Variants in GNAI2 observed in about 807,000 individuals in gnomAD.
GNAI2 encodes the protein G protein subunit alpha i2.
Under a neutral mutation model 36.8 loss-of-function variants are expected in GNAI2, and 4 were observed. The ratio of observed to expected loss-of-function variants is 0.11; its 90% CI spans 0.05 to 0.25. The LOEUF (loss-of-function observed/expected upper bound fraction) is 0.25, where lower values mean the gene tolerates loss of function less well. Ranked by LOEUF, GNAI2 falls within the 10% of genes least tolerant of loss-of-function variation. The pLI, the probability that GNAI2 is intolerant of heterozygous loss-of-function variation, is 1.00. For synonymous variants in GNAI2, 194 were observed against 194.1 expected (o/e 1.00, Z 0.01); for missense variants, 230 against 481.3 (o/e 0.48, Z 4.89).
chr3:50,247,197 A>G, intron 1 of GNAI2: 1 of 654,958 alleles, frequency 1.5e-6, no homozygotes, highest in East Asian at 2.7e-5. Context: ...ATCTCTCAGA[A>G]GGAGACAGCG....
At chr3:50,257,432 T>G in intron 7 of GNAI2, 68 bp from the exon 8 acceptor site, 1 of 1,079,664 alleles carries the variant, frequency 9.3e-7, no homozygotes, top group Non-Finnish European at 1.3e-6. Flanking sequence ...CACAGACCCT[T>G]GCTGCACACG....
Position 50,252,220 on chromosome 3 carries a change from T to G in GNAI2, c.161+78T>G. The G allele has an allele frequency of 6.7e-7, 1 of 1,485,112 alleles. No individual in the cohort carries two copies. The highest frequency in any genetic ancestry group is 1.8e-4 in the Middle Eastern group (1 of 5,652). The allele number at this position is 1,485,112 out of a possible 1,614,324, so 92.0% of individuals were successfully genotyped here. ...CCTCTGGGCCTGCACTGCCCCCGACTACAGGCCCAGCCAGTCTTAGCCAGG... is the reference window on the plus strand; with the variant it reads ...CCTCTGGGCCTGCACTGCCCCCGACGACAGGCCCAGCCAGTCTTAGCCAGG... On this transcript the variant is annotated intron_variant, in intron 2 of 8. Transcript: ENST00000313601. The surrounding 1 kb of genome is among the most constrained non-coding windows in gnomAD (Gnocchi z 4.1).
chr3:50,240,574 GCAGCCA>G (rs1700277275), intron 1 of GNAI2, among the ~76,000 whole-genome samples: 1 of 152,132 alleles, frequency 6.6e-6, no homozygotes, highest in Non-Finnish European at 1.5e-5. Context: ...GTGCCTCCCT[GCAGCCA>G]CAGGTTATGG....
At chr3:50,250,068 G>A (rs1700518251) in intron 1 of GNAI2, among the ~76,000 whole-genome samples, 1 of 152,164 alleles carries the variant, frequency 6.6e-6, no homozygotes, top group South Asian at 2.1e-4. Context: ...GCTCCCTGCA[G>A]AGGGGACTCT....
Position 50,252,202 on chromosome 3 carries a change from G to C in GNAI2, c.161+60G>C. The C allele has an allele frequency of 6.5e-7, 1 of 1,527,586 alleles. No homozygotes were observed. 94.6% of individuals were successfully genotyped at this position (1,527,586 alleles called of 1,614,324 possible). ...CCAGCTTCCCCTCTTCACCCTCTGG[G>C]CCTGCACTGCCCCCGACTACAGGCC... On this transcript the variant is annotated intron_variant, in intron 2 of 8. Transcript: ENST00000313601. This position sits in a 1 kb window ranked among gnomAD's most constrained non-coding sequence, Gnocchi z 4.1.
intron 1 of GNAI2, among the ~76,000 whole-genome samples, chr3:50,243,015 G>C (rs1700329309): frequency 6.6e-6 from 1 of 152,240 alleles, no homozygotes; most frequent in African/African-American, 2.4e-5. Context: ...GGAAGCAGCT[G>C]GGGGAGGAGG....
chr3:50,257,804 G>C, intron 8 of GNAI2, 90 bp downstream of exon 8: 8 of 295,074 alleles, frequency 2.7e-5, no homozygotes, highest in East Asian at 9.3e-5. Context: ...GTAGGGGGGT[G>C]AACCTGGAGG....
rs782720927 is a variant in GNAI2 at position 50,236,519 on chromosome 3, C to G, written c.118+66C>G. 3.9e-6 allele frequency: 6 copies of G among 1,537,622 alleles called. No homozygotes were observed. The highest frequency in any genetic ancestry group is 5.2e-6 in the Non-Finnish European group (6 of 1,149,126). On this transcript the variant is annotated intron_variant, in intron 1 of 8. Transcript: ENST00000313601. The surrounding 1 kb of genome is among the most constrained non-coding windows in gnomAD (Gnocchi z 4.0). ...CGAATCCCCAGACAAGGACTTTGAC[C>G]TCCCAGACTAGGGCTTCAAACTCCC... is the stretch of plus-strand genomic sequence containing the variant.
At chr3:50,251,810 C>T (rs781849643) in intron 1 of GNAI2, 43 of 1,286,732 alleles carry the variant, frequency 3.3e-5, no homozygotes, top group Non-Finnish European at 4.3e-5. Flanking sequence ...CCAGCCAAGA[C>T]CCCCCAGGAC....
chr3:50,227,173 G>A, upstream of GNAI2: 3 of 1,451,034 alleles, frequency 2.1e-6, no homozygotes, highest in Non-Finnish European at 1.8e-6. The surrounding 1 kb of genome is among the most constrained non-coding windows in gnomAD (Gnocchi z 5.9). Flanking sequence ...AAAGGCGGGT[G>A]TCACTGGGGA....
chr3:50,251,828 A>G lies in GNAI2; in HGVS notation c.119-272A>G, dbSNP rs587626229. Reference sequence around the variant, plus strand: ...GCCAAGACCCCCCAGGACAGTGGGGAGCCATGGTGGGCAGCAGAGCTTGTG... The same window carrying G: ...GCCAAGACCCCCCAGGACAGTGGGGGGCCATGGTGGGCAGCAGAGCTTGTG... On this transcript the variant is annotated intron_variant, in intron 1 of 8. Coordinates refer to ENST00000313601, the MANE Select transcript of GNAI2 (RefSeq NM_002070.4). 7.4e-5 allele frequency: 94 copies of G among 1,267,548 alleles called. 2 individuals carry two copies. In the South Asian group the frequency reaches 9.7e-4, roughly 13 times the overall value. The allele number at this position is 1,267,548 out of a possible 1,614,324, so 78.5% of individuals were successfully genotyped here.
At chr3:50,235,036 G>T (rs1056529297), upstream of GNAI2, among the ~76,000 whole-genome samples, 6 of 152,194 alleles carry the variant, frequency 3.9e-5, no homozygotes, top group Admixed American at 1.3e-4. Context: ...CAGGTCATAA[G>T]ATCATGGCCA....
chr3:50,236,696 C>T lies in GNAI2; in HGVS notation c.118+243C>T, dbSNP rs1415769471. Among the ~76,000 whole-genome samples, 2 of 152,074 alleles carry T rather than the reference C, an allele frequency of 1.3e-5. No individual in the cohort carries two copies. Among genetic ancestry groups the T allele is most frequent in the Non-Finnish European group, 2.9e-5 (2 of 68,014 alleles). On this transcript the variant is annotated intron_variant, in intron 1 of 8. Coordinates refer to ENST00000313601, the MANE Select transcript of GNAI2 (RefSeq NM_002070.4). This position sits in a 1 kb window ranked among gnomAD's most constrained non-coding sequence, Gnocchi z 4.0. ...CCAAATCCAGTCAACAGTGCCCCAA[C>T]ACCCGCGGTCCAGTGCCCTGCTTGG...
upstream of GNAI2, chr3:50,229,288 G>C (rs1700031961): frequency 6.6e-6 from 1 of 152,270 alleles, no homozygotes; most frequent in African/African-American, 2.4e-5. Flanking sequence ...AACAGGCACA[G>C]TGGCAGGTTG....
chr3:50,230,322 C>T (rs587644196), upstream of GNAI2: 2 of 152,290 alleles, frequency 1.3e-5, no homozygotes, highest in Non-Finnish European at 2.9e-5. Context: ...GCTGTAGCCA[C>T]GAGGTCTACA....
upstream of GNAI2, among the ~76,000 whole-genome samples, chr3:50,234,225 C>A (rs915868897): frequency 1.1e-4 from 17 of 151,598 alleles, no homozygotes; most frequent in Admixed American, 1.1e-3. Flanking sequence ...CGCCACCACG[C>A]CGGCTAATTT....
In GNAI2 at chr3:50,253,332, G is replaced by T; in HGVS notation, c.464+148G>T. ...GTTAACCAAGGCCTTCCTGTTTTTT[G>T]GTTTGGGGGGTGGGTGGGTGTCACG... On this transcript the variant is annotated intron_variant, in intron 4 of 8. Transcript: ENST00000313601. This position sits in a 1 kb window ranked among gnomAD's most constrained non-coding sequence, Gnocchi z 4.2. 1 of 639,772 alleles carries T rather than the reference G, an allele frequency of 1.6e-6. No homozygotes were observed. The allele number at this position is 639,772 out of a possible 1,614,324, so 39.6% of individuals were successfully genotyped here.
At position 50,252,538 on chromosome 3, in the gene GNAI2, G is replaced by A. The variant is rs1553702656; in HGVS notation, c.303G>A (p.Ala101=). 11 of 1,611,788 alleles carry A rather than the reference G, an allele frequency of 6.8e-6. 1 individual carries two copies. Among genetic ancestry groups the A allele is most frequent in the South Asian group, 3.3e-5 (3 of 90,992 alleles). ...LQIDFADPSR[A]DDARQLFALS... is the part of the protein sequence containing the mutation. The stretch of plus-strand genomic sequence containing the variant: ...TCGACTTTGCCGACCCCTCCAGAGC[G>A]GTATGTGCCCTCCGCCCCACCCTCT... The change falls in exon 3 of 9, where the codon GCG becomes GCA. Residue 101 remains alanine, a splice_region_variant and synonymous_variant. Coordinates refer to ENST00000313601, the MANE Select transcript of GNAI2 (RefSeq NM_002070.4). The surrounding 1 kb of genome is among the most constrained non-coding windows in gnomAD (Gnocchi z 4.1).
At chr3:50,227,123 C>T (rs904327034), upstream of GNAI2, 33 of 1,406,786 alleles carry the variant, frequency 2.3e-5, no homozygotes, top group Non-Finnish European at 3.1e-5. This position sits in a 1 kb window ranked among gnomAD's most constrained non-coding sequence, Gnocchi z 5.9. Flanking sequence ...GGGAGCGTCT[C>T]ATGACGGAGG....
Sources: gnomAD v4.1 joint callset for allele counts (sites outside exome capture counted in the v4.1 genomes callset) on GRCh38, gnomAD v4.1.1 for gene constraint, Gnocchi (gnomAD v3.1) non-coding constraint, MANE v1.5 for transcripts, NCBI Gene and HGNC (gene_info 2026-07-23, HGNC 2026-07-21) for gene names.